The following TRPM3 variants were observed in gnomAD, a reference collection of about 807,000 sequenced individuals.
The protein encoded by TRPM3 is long transient receptor potential channel 3.
A neutral mutation model predicts 181.2 loss-of-function variants in TRPM3; 77 were observed. The observed-to-expected ratio is 0.42, with a 90% CI of 0.35 to 0.51. The LOEUF (loss-of-function observed/expected upper bound fraction) is 0.51. Among genes scored for constraint, TRPM3 ranks in the 20% least tolerant of loss-of-function variants. The pLI is 0.01. For synonymous variants in TRPM3, 745 were observed against 796.4 expected (o/e 0.94, Z 1.09); for missense variants, 1,759 against 2,196.7 (o/e 0.80, Z 3.98).
At chr9:71,127,437 T>C (rs2074112740) in intron 1 of TRPM3, among the ~76,000 whole-genome samples, 1 of 152,138 alleles carries the variant, frequency 6.6e-6, no homozygotes, top group Non-Finnish European at 1.5e-5. Flanking sequence ...GGGACTGGAC[T>C]GTCTGTGTTT....
At chr9:71,173,642 C>T (rs1227600637) in intron 1 of TRPM3, among the ~76,000 whole-genome samples, 1 of 152,124 alleles carries the variant, frequency 6.6e-6, no homozygotes, top group Admixed American at 6.6e-5. Flanking sequence ...CACAAGGGGT[C>T]ATGGGGAGAG....
intron 1 of TRPM3, among the ~76,000 whole-genome samples, chr9:71,245,982 A>G (rs2082014713): frequency 6.6e-6 from 1 of 152,212 alleles, no homozygotes; most frequent in African/African-American, 2.4e-5. Flanking sequence ...TTGTCAGTGA[A>G]GCAAAACCCA....
intron 1 of TRPM3, among the ~76,000 whole-genome samples, chr9:71,058,846 C>T (rs1462918120): frequency 2.0e-5 from 3 of 151,840 alleles, no homozygotes; most frequent in Admixed American, 2.0e-4. Flanking sequence ...GGTAGTCACT[C>T]AGATGATTTG....
At chr9:71,035,346 G>C (rs999590921) in intron 1 of TRPM3, among the ~76,000 whole-genome samples, 2 of 152,168 alleles carry the variant, frequency 1.3e-5, no homozygotes, top group African/African-American at 4.8e-5. Context: ...GCTACTTTTA[G>C]AGACTTAACA....
At chr9:70,785,887 A>C (rs2130879416) in intron 6 of TRPM3, among the ~76,000 whole-genome samples, 1 of 152,314 alleles carries the variant, frequency 6.6e-6, no homozygotes, top group South Asian at 2.1e-4. Context: ...TTGTTGATCA[A>C]GGCAAGATGC....
At chr9:70,685,617 G>A (rs999912139) in intron 8 of TRPM3, among the ~76,000 whole-genome samples, 1 of 152,124 alleles carries the variant, frequency 6.6e-6, no homozygotes, top group Non-Finnish European at 1.5e-5. Context: ...ATGTTGCCCA[G>A]AGCGATCTCA....
intron 1 of TRPM3, among the ~76,000 whole-genome samples, chr9:71,419,052 T>C (rs1165610832): frequency 6.6e-6 from 1 of 151,116 alleles, no homozygotes; most frequent in Non-Finnish European, 1.5e-5. Flanking sequence ...CAGTAGGGAA[T>C]GCAAACCTGA....
At position 71,049,854 on chromosome 9, in the gene TRPM3, C is replaced by T. The variant is rs966634529; in HGVS notation, c.177+71324G>A. ...AAGTTTGGGAAAGTTCCCTTACTTT[C>T]GGAGGCTCAGTTCCCTCACCTGTGA... is the stretch of plus-strand genomic sequence containing the variant. On this transcript the variant is annotated intron_variant, in intron 1 of 25. Coordinates refer to ENST00000677713, the MANE Select transcript of TRPM3 (RefSeq NM_001366145.2). Among the ~76,000 whole-genome samples, 14 of 152,232 alleles carry T rather than the reference C, an allele frequency of 9.2e-5. No homozygotes were observed. The East Asian group carries it at 1.2e-3, about 13-fold the overall frequency.
At chr9:71,429,495 C>A (rs1224392848) in intron 1 of TRPM3, among the ~76,000 whole-genome samples, 1 of 152,096 alleles carries the variant, frequency 6.6e-6, no homozygotes, top group Non-Finnish European at 1.5e-5. Flanking sequence ...AACATGGAGT[C>A]CAACATGGGT....
intron 1 of TRPM3, among the ~76,000 whole-genome samples, chr9:71,294,989 CTG>C (rs2086134846): frequency 6.6e-6 from 1 of 152,096 alleles, no homozygotes; most frequent in Non-Finnish European, 1.5e-5. Flanking sequence ...GTAATTATCT[CTG>C]TAAGAGGAGA....
At position 70,590,857 on chromosome 9, in the gene TRPM3, C is replaced by T. The variant is rs1588969324; in HGVS notation, c.3223+174G>A. On this transcript the variant is annotated intron_variant, in intron 22 of 25. Transcript: ENST00000677713. ...AAAGAAATACCCAAGAACTACTTTGCTAAAATTGTGTATTCACCTTCTGTA... is the reference window on the plus strand; with the variant it reads ...AAAGAAATACCCAAGAACTACTTTGTTAAAATTGTGTATTCACCTTCTGTA... 1.6e-5 allele frequency: 12 copies of T among 755,608 alleles called. No individual in the cohort carries two copies. In the South Asian group the frequency reaches 1.8e-4, roughly 11 times the overall value. The allele number at this position is 755,608 out of a possible 1,614,324, so 46.8% of individuals were successfully genotyped here. A position where few individuals can be genotyped will look rare whatever the true frequency, so the allele number is the denominator to read the frequency against.
In TRPM3 at chr9:70,629,215, C is replaced by CGGGT. The variant is rs2065250202; in HGVS notation, c.1633-3699_1633-3698insACCC. Among the ~76,000 whole-genome samples, 2 of 10,162 alleles carry CGGGT rather than the reference C, an allele frequency of 2.0e-4. 1 individual carries two copies. Among genetic ancestry groups the CGGGT allele is most frequent in the Non-Finnish European group, 5.0e-4 (2 of 4,000 alleles). The allele number at this position is 10,162 out of a possible 152,430, so 6.7% of individuals were successfully genotyped here. On this transcript the variant is annotated intron_variant, in intron 12 of 25. Coordinates refer to ENST00000677713, the MANE Select transcript of TRPM3 (RefSeq NM_001366145.2). ...GGATAAATGATTCTGTGACCAGTGC[C>CGGGT]GGGGGGGGGGGGGGCCTGCGTTCTG...
intron 1 of TRPM3, among the ~76,000 whole-genome samples, chr9:71,361,250 C>G (rs2092132735): frequency 6.6e-6 from 1 of 152,142 alleles, no homozygotes; most frequent in South Asian, 2.1e-4. Context: ...GCCTCCCAGT[C>G]TTCACTATTA....
At chr9:71,386,851 A>G (rs2092935538) in intron 1 of TRPM3, among the ~76,000 whole-genome samples, 4 of 152,172 alleles carry the variant, frequency 2.6e-5, no homozygotes, top group Admixed American at 6.5e-5. Flanking sequence ...GTAAAAATCA[A>G]TTTGATTCTT....
intron 1 of TRPM3, among the ~76,000 whole-genome samples, chr9:71,114,377 C>A (rs1437617763): frequency 1.3e-5 from 2 of 152,106 alleles, no homozygotes; most frequent in African/African-American, 2.4e-5. Flanking sequence ...ACCTGAACCA[C>A]CCCACCCCAG....
intron 1 of TRPM3, among the ~76,000 whole-genome samples, chr9:71,220,481 T>A (rs1293672219): frequency 6.6e-6 from 1 of 152,024 alleles, no homozygotes; most frequent in Non-Finnish European, 1.5e-5. Context: ...TTAACTAATT[T>A]AAGGGCCAAC....
At chr9:70,765,986 C>T (rs2079042822) in intron 7 of TRPM3, among the ~76,000 whole-genome samples, 1 of 152,088 alleles carries the variant, frequency 6.6e-6, no homozygotes, top group East Asian at 1.9e-4. Context: ...TTGACAAAGT[C>T]ATCTTATTTA....
At chr9:71,211,361 G>GTTT (rs11400047) in intron 1 of TRPM3, among the ~76,000 whole-genome samples, 4 of 146,512 alleles carry the variant, frequency 2.7e-5, no homozygotes, top group Non-Finnish European at 6.0e-5. Context: ...ATATGATTGT[G>GTTT]TTTTTTTTTT....
intron 1 of TRPM3, among the ~76,000 whole-genome samples, chr9:70,931,318 A>G (rs2133412237): frequency 6.6e-6 from 1 of 152,312 alleles, no homozygotes; most frequent in Middle Eastern, 3.4e-3. Context: ...AGTGCAGTCA[A>G]GAAACAAGAA....
Sources: gnomAD v4.1 joint callset for allele counts (sites outside exome capture counted in the v4.1 genomes callset) on GRCh38, gnomAD v4.1.1 for gene constraint, MANE v1.5 for transcripts, NCBI Gene and HGNC (gene_info 2026-07-23, HGNC 2026-07-21) for gene names.